The following BCL2L11 variants were observed in gnomAD, a reference collection of about 807,000 sequenced individuals.
The protein encoded by BCL2L11 is bcl-2-like protein 11.
In BCL2L11, 15 loss-of-function variants were observed where a neutral mutation model predicts 20.6. The observed-to-expected ratio is 0.73, with a 90% CI of 0.49 to 1.12. The LOEUF (loss-of-function observed/expected upper bound fraction) is 1.12, where lower values mean the gene tolerates loss of function less well. Ranked by LOEUF, BCL2L11 falls within the 50% of genes most tolerant of loss-of-function variation. The pLI is 0.00. For missense variants in BCL2L11, 292 were observed against 260.9 expected (o/e 1.12, Z -0.82); for synonymous variants, 108 against 92.8 (o/e 1.16, Z -0.94).
Position 111,123,978 on chromosome 2 carries a change from C to G in BCL2L11, c.233C>G (p.Pro78Arg), listed in dbSNP as rs142670904. 8 of 1,614,234 alleles carry G rather than the reference C, an allele frequency of 5.0e-6. No homozygotes were observed. Among genetic ancestry groups the G allele is most frequent in the Non-Finnish European group, 6.8e-6 (8 of 1,180,046 alleles). ...CCTGGCCCTTTTGCTACCAGATCCCCGCTTTTCATCTTTATGAGAAGATCC... is the reference window on the plus strand; with the variant it reads ...CCTGGCCCTTTTGCTACCAGATCCCGGCTTTTCATCTTTATGAGAAGATCC... ...ASPGPFATRS[P>R]LFIFMRRSSL... Residue 78 changes from proline (P) to arginine (R), a missense_variant, in exon 2 of 4, where the codon CCG becomes CGG. By Grantham distance (103) the Pro-to-Arg change is moderately radical (BLOSUM62 -2). Transcript: ENST00000393256.
intron 2 of BCL2L11, among the ~76,000 whole-genome samples, chr2:111,136,918 G>A (rs2074992607): frequency 6.6e-6 from 1 of 152,158 alleles, no homozygotes; most frequent in South Asian, 2.1e-4. Context: ...TTACAATGAT[G>A]GAAAGAGATT....
At chr2:111,150,898 G>GTTTT (rs1458738998) in intron 3 of BCL2L11, among the ~76,000 whole-genome samples, 4 of 123,694 alleles carry the variant, frequency 3.2e-5, no homozygotes, top group Non-Finnish European at 1.8e-5. Flanking sequence ...TTGTTTGTTT[G>GTTTT]TTTGTTTGTG....
At chr2:111,130,092 A>G (rs2073601992) in intron 2 of BCL2L11, 1 of 394,872 alleles carries the variant, frequency 2.5e-6, no homozygotes, top group South Asian at 1.8e-5. Context: ...AGAAGTATTT[A>G]TTGTACTTTT....
chr2:111,137,313 C>G (rs1238597884), intron 2 of BCL2L11, among the ~76,000 whole-genome samples: 1 of 152,204 alleles, frequency 6.6e-6, no homozygotes, highest in Non-Finnish European at 1.5e-5. Context: ...GAACCACCAC[C>G]TCTCCCTGCC....
At chr2:111,123,407 C>A in intron 1 of BCL2L11, 1 of 985,476 alleles carries the variant, frequency 1.0e-6, no homozygotes, top group Non-Finnish European at 1.2e-6. Flanking sequence ...TTCTGACTTA[C>A]TCGAAGAAGT....
intron 2 of BCL2L11, among the ~76,000 whole-genome samples, chr2:111,134,662 T>C (rs576940858): frequency 1.3e-5 from 2 of 152,336 alleles, no homozygotes; most frequent in South Asian, 4.1e-4. Flanking sequence ...TGTCATTTCC[T>C]TTCTGTTTAG....
chr2:111,158,017 G>A (rs1345069256), intron 3 of BCL2L11, among the ~76,000 whole-genome samples: 4 of 152,190 alleles, frequency 2.6e-5, no homozygotes, highest in Non-Finnish European at 5.9e-5. Flanking sequence ...TGAATAGAAA[G>A]TGGATTTGGT....
chr2:111,165,473 C>A lies in BCL2L11; in HGVS notation c.*1242C>A, dbSNP rs918228675. ...TGAAACAGGCCTCATCCCACTTCCA[C>A]CAGCACCATAGAAGAATAATTCTGG... On this transcript the variant is annotated 3_prime_UTR_variant, in exon 4 of 4. Coordinates refer to ENST00000393256, the MANE Select transcript of BCL2L11 (RefSeq NM_138621.5). 1.3e-5 allele frequency: 2 copies of A among 152,284 alleles called. No homozygotes were observed. Among genetic ancestry groups the A allele is most frequent in the Middle Eastern group, 3.1e-3 (1 of 318 alleles). 9.4% of individuals were successfully genotyped at this position (152,284 alleles called of 1,614,324 possible). A position where few individuals can be genotyped will look rare whatever the true frequency, so the allele number is the denominator to read the frequency against.
At chr2:111,153,011 A>T (rs1032657696) in intron 3 of BCL2L11, among the ~76,000 whole-genome samples, 1 of 151,460 alleles carries the variant, frequency 6.6e-6, no homozygotes, top group Non-Finnish European at 1.5e-5. Flanking sequence ...AGGGGGAAGG[A>T]GTAGGGATAG....
chr2:111,123,161 G>A, intron 1 of BCL2L11: 1 of 985,446 alleles, frequency 1.0e-6, no homozygotes, highest in Non-Finnish European at 1.2e-6. Flanking sequence ...GAGCACGGGC[G>A]GAGAGAGCGC....
intron 3 of BCL2L11, among the ~76,000 whole-genome samples, chr2:111,160,410 C>A (rs1455221349): frequency 2.6e-5 from 4 of 152,216 alleles, no homozygotes; most frequent in Non-Finnish European, 4.4e-5. Context: ...AGTCAGGCCC[C>A]CCACCTGATG....
intron 1 of BCL2L11, chr2:111,123,256 A>G (rs1031753334): frequency 3.0e-6 from 3 of 985,354 alleles, no homozygotes; most frequent in African/African-American, 1.7e-5. Flanking sequence ...GACCTTCCCC[A>G]GACTTGCTGC....
intron 2 of BCL2L11, among the ~76,000 whole-genome samples, chr2:111,143,544 A>G (rs1271387919): frequency 6.6e-6 from 1 of 152,198 alleles, no homozygotes; most frequent in Non-Finnish European, 1.5e-5. Context: ...TCAATTCCCT[A>G]CGAGGAATAG....
Position 111,164,172 on chromosome 2 carries a change from C to T in BCL2L11, c.538C>T (p.Arg180Ter). ...NNYQAAEDHP[R>*]MVILRLLRYI... ...TTACCAAGCAGCCGAAGACCACCCACGAATGGTTATCTTACGACTGTTACG... is the reference window on the plus strand; with the variant it reads ...TTACCAAGCAGCCGAAGACCACCCATGAATGGTTATCTTACGACTGTTACG... The change falls in exon 4 of 4, where the codon CGA becomes TGA. Residue 180 changes from arginine to a stop codon, truncating the protein, a stop_gained. Coordinates refer to ENST00000393256, the MANE Select transcript of BCL2L11 (RefSeq NM_138621.5). LOFTEE classifies it high-confidence loss of function. The T allele has an allele frequency of 6.2e-7, 1 of 1,613,046 alleles. No homozygotes were observed. Among genetic ancestry groups the T allele is most frequent in the South Asian group, 1.1e-5 (1 of 91,062 alleles).
intron 1 of BCL2L11, among the ~76,000 whole-genome samples, chr2:111,121,985 G>C (rs2071084573): frequency 6.6e-6 from 1 of 152,164 alleles, no homozygotes. Flanking sequence ...TGGCGGCGCC[G>C]TGCCCTCTGG....
intron 3 of BCL2L11, among the ~76,000 whole-genome samples, chr2:111,157,581 T>TGGGA (rs773346425): frequency 1.6e-4 from 25 of 152,236 alleles, no homozygotes; most frequent in Non-Finnish European, 3.2e-4. Context: ...AGGTGGGAGT[T>TGGGA]GTTCCCCAGT....
At chr2:111,151,088 G>A (rs2077198093) in intron 3 of BCL2L11, among the ~76,000 whole-genome samples, 1 of 152,134 alleles carries the variant, frequency 6.6e-6, no homozygotes, top group Non-Finnish European at 1.5e-5. Context: ...ATTTTTAGTT[G>A]AGATGGGGTT....
intron 2 of BCL2L11, among the ~76,000 whole-genome samples, chr2:111,147,346 T>TCTCTCTCTCTCTCA (rs760779894): frequency 1.0e-4 from 14 of 137,330 alleles, no homozygotes; most frequent in South Asian, 7.2e-4. Context: ...TCTCTCTCTC[T>TCTCTCTCTCTCTCA]CACACACACA....
At chr2:111,149,614 T>G (rs977986951) in intron 2 of BCL2L11, among the ~76,000 whole-genome samples, 1 of 152,242 alleles carries the variant, frequency 6.6e-6, no homozygotes, top group African/African-American at 2.4e-5. Context: ...TGGATGATGT[T>G]TGAAAGTTAT....
Sources: allele counts gnomAD v4.1 joint callset (sites outside exome capture counted in the v4.1 genomes callset), GRCh38; gene constraint gnomAD v4.1.1; transcripts MANE v1.5; gene names NCBI Gene and HGNC (gene_info 2026-07-23, HGNC 2026-07-21).